The following OARD1 variants were observed in gnomAD, a reference collection of about 807,000 sequenced individuals.
OARD1 encodes the protein ADP-ribose glycohydrolase OARD1.
OARD1 carries 19 observed loss-of-function variants against 19.7 expected under a neutral mutation model. The observed-to-expected ratio is 0.96, with a 90% confidence interval of 0.67 to 1.41. The LOEUF (loss-of-function observed/expected upper bound fraction) is 1.41. Ranked by LOEUF, OARD1 falls within the 40% of genes most tolerant of loss-of-function variation. The pLI is 0.00. For synonymous variants in OARD1, 70 were observed against 61.8 expected (o/e 1.13, Z -0.62); for missense variants, 190 against 183.8 (o/e 1.03, Z -0.20).
chr6:41,093,383 C>G (rs921801837), intron 1 of OARD1, among the ~76,000 whole-genome samples: 9 of 152,136 alleles, frequency 5.9e-5, no homozygotes, highest in African/African-American at 2.2e-4. Context: ...TGTTTCACTG[C>G]TTTAATATTG....
intron 3 of OARD1, chr6:41,070,904 A>G: frequency 3.3e-6 from 2 of 609,958 alleles, no homozygotes; most frequent in Non-Finnish European, 5.8e-6. Context: ...AAGTACAGTA[A>G]TATCGTCAAG....
chr6:41,094,164 TA>T (rs1161487682), intron 1 of OARD1, among the ~76,000 whole-genome samples: 1 of 152,036 alleles, frequency 6.6e-6, no homozygotes, highest in South Asian at 2.1e-4. Context: ...TTATTTTTTT[TA>T]AAAAAAATTC....
intron 1 of OARD1, among the ~76,000 whole-genome samples, chr6:41,094,913 G>A (rs1242421851): frequency 1.3e-5 from 2 of 152,130 alleles, no homozygotes; most frequent in Non-Finnish European, 2.9e-5. Flanking sequence ...AATTTTCAAG[G>A]AACAAGTTTT....
rs759331264 is a variant in OARD1, at chr6:41,071,599, GC to G, written c.35del (p.Ser12ThrfsTer6). On this transcript the variant is annotated frameshift_variant, in exon 2 of 6. Transcript: ENST00000424266. LOFTEE classifies it high-confidence loss of function. The stretch of plus-strand genomic sequence containing the variant: ...TAAGTCAATAGTTGTTACGCACTCT[GC>G]TTCCTTCTGGATCTTCATTAAGGCT... ...ASSLNEDPEG[S>X]RITYVKGDLF... The G allele has an allele frequency of 8.7e-6, 14 of 1,612,198 alleles. No individual in the cohort carries two copies. In the South Asian group the frequency reaches 1.5e-4, roughly 18 times the overall value.
chr6:41,092,599 G>A (rs561713789), intron 1 of OARD1, among the ~76,000 whole-genome samples: 1 of 151,792 alleles, frequency 6.6e-6, no homozygotes, highest in Non-Finnish European at 1.5e-5. Flanking sequence ...CTGTTTTTTT[G>A]TCTTATGACT....
chr6:41,084,277 A>G (rs1479042176), intron 1 of OARD1: 1 of 1,464,652 alleles, frequency 6.8e-7, no homozygotes, highest in African/African-American at 1.4e-5. Flanking sequence ...GATAATTGAT[A>G]TTGCATTTAA....
upstream of OARD1, among the ~76,000 whole-genome samples, chr6:41,074,013 G>A (rs4140579): frequency 0.39 from 59,002 of 151,580 alleles, 12,079 homozygotes; most frequent in African/African-American, 0.52. Flanking sequence ...CATTCTTTCC[G>A]GAGGCTGCAC....
intron 1 of OARD1, among the ~76,000 whole-genome samples, chr6:41,086,719 G>A (rs1181675383): frequency 6.6e-6 from 1 of 152,142 alleles, no homozygotes; most frequent in Non-Finnish European, 1.5e-5. Flanking sequence ...ACTGGAACCA[G>A]AGAGACAGCC....
chr6:41,096,414 A>G (rs1009661236), intron 1 of OARD1, among the ~76,000 whole-genome samples: 60 of 152,358 alleles, frequency 3.9e-4, no homozygotes, highest in Admixed American at 2.9e-3. Flanking sequence ...TGTGCTAACA[A>G]TATGATCTTG....
chr6:41,071,302 A>G (rs746110138), intron 2 of OARD1, 26 bp from the exon 3 acceptor site: 6 of 1,608,084 alleles, frequency 3.7e-6, no homozygotes, highest in Non-Finnish European at 2.6e-6. Flanking sequence ...AGGAAAAGAC[A>G]ATGTTTTATT....
In OARD1 at chr6:41,070,082, ATAT is replaced by A; in HGVS notation, c.234_236del (p.Tyr80del). On this transcript the variant is annotated inframe_deletion, in exon 4 of 6. Coordinates refer to ENST00000424266, the MANE Select transcript of OARD1 (RefSeq NM_001329686.2). ...GGAATTGGCCCCATCTTACCAAGTA[ATAT>A]ATATATCGCCCATCTCTCTTCAGAA... 6.3e-7 allele frequency: 1 copy of A among 1,584,334 alleles called. No homozygotes were observed. Among genetic ancestry groups the A allele is most frequent in the Non-Finnish European group, 8.7e-7 (1 of 1,153,072 alleles).
At chr6:41,071,799 C>G (rs971857833) in intron 1 of OARD1, 124 bp from the exon 2 acceptor site, 1 of 624,002 alleles carries the variant, frequency 1.6e-6, no homozygotes, top group African/African-American at 1.8e-5. Flanking sequence ...TGAGTTTGTT[C>G]GGCCCCTGGG....
At chr6:41,078,178 G>A (rs1404701187) in intron 1 of OARD1, among the ~76,000 whole-genome samples, 2 of 152,080 alleles carry the variant, frequency 1.3e-5, no homozygotes. Flanking sequence ...GTAAATTTTA[G>A]ATATCAATAC....
intron 1 of OARD1, among the ~76,000 whole-genome samples, chr6:41,090,602 A>T (rs200200964): frequency 2.0e-5 from 3 of 152,184 alleles, no homozygotes; most frequent in African/African-American, 7.2e-5. Context: ...TTCATTGGTA[A>T]AGAGAGAAAT....
chr6:41,070,263 GGAAGA>G, intron 3 of OARD1, 129 bp from the exon 4 acceptor site: 1 of 641,692 alleles, frequency 1.6e-6, no homozygotes, highest in Non-Finnish European at 2.8e-6. Flanking sequence ...AAGGGAATAG[GGAAGA>G]CCTATTGTCT....
At chr6:41,095,323 C>A (rs1764317749) in intron 1 of OARD1, among the ~76,000 whole-genome samples, 2 of 152,184 alleles carry the variant, frequency 1.3e-5, no homozygotes, top group Non-Finnish European at 2.9e-5. Flanking sequence ...CTACTTCCTG[C>A]CACGGGTCTT....
chr6:41,095,172 AC>A (rs1436440051), intron 1 of OARD1, among the ~76,000 whole-genome samples: 1 of 151,994 alleles, frequency 6.6e-6, no homozygotes, highest in Non-Finnish European at 1.5e-5. Context: ...TTCAACCCCT[AC>A]CCTTTCCCAT....
chr6:41,080,742 G>A (rs1258078898), intron 1 of OARD1: 12 of 1,288,532 alleles, frequency 9.3e-6, no homozygotes, highest in Non-Finnish European at 1.2e-5. Flanking sequence ...AAGAGGTAAG[G>A]TGATCTGTGT....
intron 5 of OARD1, 86 bp from the exon 6 acceptor site, chr6:41,067,523 A>G (rs1763079822): frequency 5.8e-6 from 5 of 864,920 alleles, no homozygotes; most frequent in Non-Finnish European, 9.2e-6. Context: ...CACTCAAAGC[A>G]TAAAAACAAA....
Sources: allele counts gnomAD v4.1 joint callset (sites outside exome capture counted in the v4.1 genomes callset), GRCh38; gene constraint gnomAD v4.1.1; transcripts MANE v1.5; gene names NCBI Gene and HGNC (gene_info 2026-07-23, HGNC 2026-07-21).